Variants in PLXDC2 observed in about 807,000 individuals in gnomAD.
The protein encoded by PLXDC2 is plexin domain containing 2.
Under a neutral mutation model 68.9 loss-of-function variants are expected in PLXDC2, and 40 were observed. The observed-to-expected ratio is 0.58, with a 90% CI of 0.45 to 0.76. The LOEUF (loss-of-function observed/expected upper bound fraction) is 0.76, where lower values mean the gene tolerates loss of function less well. Among genes scored for constraint, PLXDC2 ranks in the 30% least tolerant of loss-of-function variants. The probability of loss-of-function intolerance (pLI) is 0.00; values close to 1 mark genes in which losing one functional copy is unlikely to be tolerated. For missense variants in PLXDC2, 644 were observed against 661.9 expected, an observed-to-expected ratio of 0.97 and a Z score of 0.30; for synonymous variants, 243 against 234.2, an observed-to-expected ratio of 1.04 and a Z score of -0.34.
chr10:20,162,845 C>T (rs953009325), intron 6 of PLXDC2, among the ~76,000 whole-genome samples: 1 of 145,738 alleles, frequency 6.9e-6, no homozygotes, highest in South Asian at 2.2e-4. Context: ...GGGTGGATCA[C>T]TTGAGGCCAG....
intron 1 of PLXDC2, among the ~76,000 whole-genome samples, chr10:19,988,625 CAT>C (rs1030071515): frequency 2.0e-5 from 3 of 151,860 alleles, no homozygotes. Flanking sequence ...AAAGATAAAA[CAT>C]ATTCATATTC....
chr10:20,133,818 T>C (rs893426610), intron 4 of PLXDC2, among the ~76,000 whole-genome samples: 6 of 152,228 alleles, frequency 3.9e-5, no homozygotes, highest in Admixed American at 3.3e-4. Flanking sequence ...TCTCTGCTTC[T>C]TCTGGAACTC....
intron 1 of PLXDC2, among the ~76,000 whole-genome samples, chr10:19,891,583 C>G (rs1234061100): frequency 6.6e-6 from 1 of 152,186 alleles, no homozygotes; most frequent in Non-Finnish European, 1.5e-5. Flanking sequence ...TGGGTCTCCA[C>G]CTCTGCCTCC....
At chr10:20,019,972 G>A (rs1262173803) in intron 2 of PLXDC2, among the ~76,000 whole-genome samples, 1 of 151,566 alleles carries the variant, frequency 6.6e-6, no homozygotes, top group East Asian at 1.9e-4. Flanking sequence ...TGAGTGTAGG[G>A]TACTTTTTAA....
At chr10:19,897,751 A>G (rs1300772855) in intron 1 of PLXDC2, among the ~76,000 whole-genome samples, 3 of 152,232 alleles carry the variant, frequency 2.0e-5, no homozygotes, top group Non-Finnish European at 2.9e-5. Context: ...TGATTTGTCC[A>G]AGACCTTGGA....
intron 10 of PLXDC2, among the ~76,000 whole-genome samples, chr10:20,215,028 A>T (rs1238857787): frequency 6.6e-6 from 1 of 152,226 alleles, no homozygotes; most frequent in African/African-American, 2.4e-5. Context: ...TGTTCATTGC[A>T]GTCATGGGTG....
Position 20,239,776 on chromosome 10 carries a change from A to G in PLXDC2, c.1313-5569A>G, listed in dbSNP as rs116403460. Among the ~76,000 whole-genome samples, 709 of 152,324 alleles carry G rather than the reference A, an allele frequency of 4.7e-3. 9 individuals carry two copies. The highest frequency in any genetic ancestry group is 0.014 in the African/African-American group (578 of 41,582). ...ATATAAAAGAACAATCAGTCGAGCCACATATGGACATCTTAGTTTATTGTA... is the reference window on the plus strand; with the variant it reads ...ATATAAAAGAACAATCAGTCGAGCCGCATATGGACATCTTAGTTTATTGTA... On this transcript the variant is annotated intron_variant, in intron 12 of 13. Transcript: ENST00000377252.
chr10:19,834,086 G>A (rs1445246245), intron 1 of PLXDC2, among the ~76,000 whole-genome samples: 1 of 152,024 alleles, frequency 6.6e-6, no homozygotes, highest in Non-Finnish European at 1.5e-5. Flanking sequence ...GTTCCTGCAT[G>A]AACTTGCAGG....
intron 13 of PLXDC2, among the ~76,000 whole-genome samples, chr10:20,261,576 C>T (rs905424409): frequency 5.9e-5 from 9 of 152,050 alleles, no homozygotes; most frequent in African/African-American, 1.7e-4. Context: ...GATAATCTGC[C>T]GGGGGTAGTG....
intron 1 of PLXDC2, among the ~76,000 whole-genome samples, chr10:19,967,535 A>G (rs1328662623): frequency 6.6e-6 from 1 of 152,200 alleles, no homozygotes; most frequent in Non-Finnish European, 1.5e-5. Flanking sequence ...GAATAAACAT[A>G]CTAAGAGAAA....
At chr10:20,059,868 T>C (rs1443887486) in intron 3 of PLXDC2, among the ~76,000 whole-genome samples, 1 of 152,210 alleles carries the variant, frequency 6.6e-6, no homozygotes, top group Non-Finnish European at 1.5e-5. Flanking sequence ...CCACTTGTGG[T>C]CTAGAAGCAG....
chr10:20,169,148 C>T (rs1834413339), intron 7 of PLXDC2, among the ~76,000 whole-genome samples: 1 of 152,006 alleles, frequency 6.6e-6, no homozygotes, highest in African/African-American at 2.4e-5. Flanking sequence ...GCTAAACGTC[C>T]TTGTTTCTAA....
intron 9 of PLXDC2, among the ~76,000 whole-genome samples, chr10:20,205,536 A>C (rs551844666): frequency 3.2e-4 from 48 of 152,110 alleles, no homozygotes; most frequent in Non-Finnish European, 5.7e-4. Flanking sequence ...CAAAAATGAT[A>C]AGGGACTTTA....
intron 1 of PLXDC2, among the ~76,000 whole-genome samples, chr10:19,956,810 G>T (rs1398359328): frequency 6.6e-6 from 1 of 152,178 alleles, no homozygotes; most frequent in East Asian, 1.9e-4. Flanking sequence ...TAGTCCAAGT[G>T]TATTGAACTA....
chr10:20,018,386 T>C (rs1041823413), intron 2 of PLXDC2, among the ~76,000 whole-genome samples: 2 of 152,236 alleles, frequency 1.3e-5, no homozygotes, highest in Non-Finnish European at 2.9e-5. Context: ...ACTTATTTTA[T>C]TTAAGCACTA....
intron 9 of PLXDC2, among the ~76,000 whole-genome samples, chr10:20,186,901 G>C (rs2131835057): frequency 6.6e-6 from 1 of 152,020 alleles, no homozygotes; most frequent in Non-Finnish European, 1.5e-5. Flanking sequence ...CTTTATTCTA[G>C]TAGGATTTAT....
At chr10:20,251,579 CTT>C (rs1253378589) in intron 13 of PLXDC2, among the ~76,000 whole-genome samples, 4 of 151,994 alleles carry the variant, frequency 2.6e-5, no homozygotes, top group Admixed American at 1.3e-4. Context: ...TGTTTACACT[CTT>C]GAGTGGTATT....
At chr10:20,118,920 C>CTTTTTT (rs34396697) in intron 4 of PLXDC2, among the ~76,000 whole-genome samples, 1 of 139,954 alleles carries the variant, frequency 7.1e-6, no homozygotes. Flanking sequence ...ACATTGAAGC[C>CTTTTTT]TTTTTTTTTT....
At chr10:20,156,601 A>G (rs1834220791) in intron 6 of PLXDC2, among the ~76,000 whole-genome samples, 2 of 152,242 alleles carry the variant, frequency 1.3e-5, no homozygotes, top group South Asian at 4.1e-4. Flanking sequence ...GGTGGATTTT[A>G]CTTATCATCT....
Sources: gnomAD v4.1 joint callset for allele counts (sites outside exome capture counted in the v4.1 genomes callset) on GRCh38, gnomAD v4.1.1 for gene constraint, MANE v1.5 for transcripts, NCBI Gene and HGNC (gene_info 2026-07-23, HGNC 2026-07-21) for gene names.